Variants in CTBP2 observed in about 807,000 individuals in gnomAD.
CTBP2 encodes the protein C-terminal-binding protein 2.
A neutral mutation model predicts 80.3 loss-of-function variants in CTBP2; 30 were observed. The observed-to-expected ratio is 0.37, with a 90% CI of 0.28 to 0.51. The LOEUF is 0.51. Ranked by LOEUF, CTBP2 falls within the 20% of genes least tolerant of loss-of-function variation. The probability of loss-of-function intolerance (pLI) is 0.93; values close to 1 mark genes in which losing one functional copy is unlikely to be tolerated. For synonymous variants in CTBP2, 594 were observed against 587.4 expected (o/e 1.01, Z -0.16); for missense variants, 1,212 against 1,375.3 (o/e 0.88, Z 1.88).
chr10:125,161,858 G>A, upstream of CTBP2, among the ~76,000 whole-genome samples: 1 of 152,208 alleles, frequency 6.6e-6, no homozygotes, highest in Non-Finnish European at 1.5e-5. Context: ...GGGCTTGCGC[G>A]GCGGCCCGGA....
intron 7 of CTBP2, 132 bp downstream of exon 9, chr10:124,993,070 C>G (rs1406034633): frequency 1.2e-5 from 14 of 1,150,596 alleles, no homozygotes; most frequent in Non-Finnish European, 1.7e-5. Flanking sequence ...TAAACAGGGC[C>G]CAACTCATAT....
At chr10:125,122,346 G>C (rs1343071629) in intron 1 of CTBP2, among the ~76,000 whole-genome samples, 2 of 152,156 alleles carry the variant, frequency 1.3e-5, no homozygotes, top group African/African-American at 4.8e-5. Flanking sequence ...CAAAATGCAG[G>C]GCAAGCGTGC....
At chr10:125,023,493 C>T (rs887614321) in intron 1 of CTBP2, among the ~76,000 whole-genome samples, 4 of 152,202 alleles carry the variant, frequency 2.6e-5, no homozygotes, top group Non-Finnish European at 2.9e-5. Flanking sequence ...CAGCCACCGC[C>T]GGAGGGCTCC....
Position 125,066,975 on chromosome 10 carries a change from C to T in CTBP2, c.-101-27820G>A, listed in dbSNP as rs1462187363. Among the ~76,000 whole-genome samples, 4 of 152,142 alleles carry T rather than the reference C, an allele frequency of 2.6e-5. 1 individual carries two copies. Among genetic ancestry groups the T allele is most frequent in the South Asian group, 4.2e-4 (2 of 4,808 alleles). Reference sequence around the variant, plus strand: ...AAGGCTGCTGAATTCCTGAAGTCCCCGCCTGACCACCAGGCCCAGGTATAA... The same window carrying T: ...AAGGCTGCTGAATTCCTGAAGTCCCTGCCTGACCACCAGGCCCAGGTATAA... On this transcript the variant is annotated intron_variant, in intron 2 of 10. Transcript: ENST00000337195. The surrounding 1 kb of genome is among the most constrained non-coding windows in gnomAD (Gnocchi z 4.1).
intron 2 of CTBP2, among the ~76,000 whole-genome samples, chr10:125,084,798 C>A (rs955532557): frequency 2.6e-5 from 4 of 152,176 alleles, no homozygotes; most frequent in African/African-American, 7.2e-5. Flanking sequence ...TCTTTCCCAC[C>A]AAGACGCCTT....
At chr10:125,051,784 C>T (rs1010064016) in intron 2 of CTBP2, among the ~76,000 whole-genome samples, 3 of 152,098 alleles carry the variant, frequency 2.0e-5, no homozygotes, top group Non-Finnish European at 4.4e-5. Flanking sequence ...AGAATGGAAC[C>T]TTATTTGAAG....
At chr10:125,100,189 C>T (rs1206896666) in intron 2 of CTBP2, among the ~76,000 whole-genome samples, 8 of 152,184 alleles carry the variant, frequency 5.3e-5, no homozygotes, top group Admixed American at 1.3e-4. Flanking sequence ...CAAAATGTAA[C>T]GCTCATGTTT....
intron 2 of CTBP2, among the ~76,000 whole-genome samples, chr10:125,103,021 C>A (rs942495707): frequency 6.6e-6 from 1 of 152,226 alleles, no homozygotes; most frequent in Non-Finnish European, 1.5e-5. Context: ...TTAGACTCCC[C>A]GCCCTACTTG....
Position 125,028,008 on chromosome 10 carries a change from AG to A in CTBP2, c.-250del. The A allele has an allele frequency of 9.1e-7, 1 of 1,104,450 alleles. No individual in the cohort carries two copies. The highest frequency in any genetic ancestry group is 1.2e-6 in the Non-Finnish European group (1 of 848,340). 68.4% of individuals were successfully genotyped at this position (1,104,450 alleles called of 1,614,324 possible). ...ATAGCCAGAGAGGTCTGTTCCTTAC[AG>A]CTCAGTCCCGGAGAGGAGGCTGTCC... On this transcript the variant is annotated 5_prime_UTR_variant, in exon 1 of 9. Coordinates refer to ENST00000309035, the MANE Select transcript of CTBP2 (RefSeq NM_022802.3).
At chr10:125,136,036 A>G (rs1237054574) in intron 1 of CTBP2, among the ~76,000 whole-genome samples, 2 of 152,240 alleles carry the variant, frequency 1.3e-5, no homozygotes, top group African/African-American at 4.8e-5. Context: ...GTTGTTCATT[A>G]GAGTCACCTG....
intron 2 of CTBP2, among the ~76,000 whole-genome samples, chr10:125,077,109 TTG>T (rs151042664): frequency 0.031 from 4,780 of 152,256 alleles, 264 homozygotes; most frequent in African/African-American, 0.11. Context: ...ATGAAAGCTT[TTG>T]TGTGTCCAGA....
chr10:125,070,333 A>T (rs954223147), intron 2 of CTBP2, among the ~76,000 whole-genome samples: 9 of 144,566 alleles, frequency 6.2e-5, no homozygotes, highest in Non-Finnish European at 1.3e-4. Flanking sequence ...CCTGAGTGAC[A>T]GAGAGAGACT....
chr10:125,006,496 A>G (rs564242806), intron 1 of CTBP2, among the ~76,000 whole-genome samples: 24 of 152,334 alleles, frequency 1.6e-4, no homozygotes, highest in Admixed American at 1.3e-3. Flanking sequence ...CCCACACACC[A>G]GAGAATCTGG....
intron 2 of CTBP2, among the ~76,000 whole-genome samples, chr10:125,052,649 G>A (rs1470846521): frequency 6.6e-6 from 1 of 152,182 alleles, no homozygotes; most frequent in East Asian, 1.9e-4. Flanking sequence ...CGCCCTTGGG[G>A]TCCAGCAGCA....
chr10:125,158,829 C>G (rs896091064), intron 1 of CTBP2: 4 of 152,218 alleles, frequency 2.6e-5, no homozygotes, highest in African/African-American at 9.6e-5. Flanking sequence ...GGGGGGACAA[C>G]CACAAACACT....
intron 2 of CTBP2, among the ~76,000 whole-genome samples, chr10:125,061,338 G>A (rs571435179): frequency 3.3e-5 from 5 of 152,262 alleles, no homozygotes; most frequent in East Asian, 3.9e-4. Context: ...GAAAGCTCTC[G>A]CTGGGCATCC....
chr10:125,072,644 A>G (rs1335205781), intron 2 of CTBP2, among the ~76,000 whole-genome samples: 1 of 149,940 alleles, frequency 6.7e-6, no homozygotes, highest in Non-Finnish European at 1.5e-5. Flanking sequence ...GAAAAAAAAA[A>G]AAAAAAAAAA....
At chr10:125,160,751 C>T (rs1861809847), upstream of CTBP2, 1 of 128,102 alleles carries the variant, frequency 7.8e-6, no homozygotes, top group Admixed American at 7.7e-5. Context: ...CGCGTCCCGG[C>T]CCCGCGCCCT....
At chr10:125,144,817 T>C (rs1446913261) in intron 1 of CTBP2, among the ~76,000 whole-genome samples, 3 of 152,218 alleles carry the variant, frequency 2.0e-5, no homozygotes, top group Non-Finnish European at 4.4e-5. Context: ...GCAGTTCAGA[T>C]TTTACTAAAA....
Sources: gnomAD v4.1 joint callset for allele counts (sites outside exome capture counted in the v4.1 genomes callset) on GRCh38, gnomAD v4.1.1 for gene constraint, Gnocchi (gnomAD v3.1) non-coding constraint, MANE v1.5 for transcripts, NCBI Gene and HGNC (gene_info 2026-07-23, HGNC 2026-07-21) for gene names.